Variants in CSMD1 observed in about 807,000 individuals in gnomAD.
CSMD1 encodes CUB and Sushi multiple domains 1.
Under a neutral mutation model 417.5 loss-of-function variants are expected in CSMD1, and 213 were observed. The observed-to-expected ratio is 0.51, with a 90% CI of 0.46 to 0.57. The LOEUF is 0.57. Ranked by LOEUF, CSMD1 falls within the 20% of genes least tolerant of loss-of-function variation. The pLI, the probability that CSMD1 is intolerant of heterozygous loss-of-function variation, is 0.00. For missense variants in CSMD1, 6,923 were observed against 4,529.7 expected, an observed-to-expected ratio of 1.53 and a Z score of -15.17; for synonymous variants, 2,862 against 1,736.8, an observed-to-expected ratio of 1.65 and a Z score of -16.11.
intron 48 of CSMD1, among the ~76,000 whole-genome samples, chr8:3,089,467 A>T (rs1814778962): frequency 6.6e-6 from 1 of 152,198 alleles, no homozygotes; most frequent in African/African-American, 2.4e-5. Context: ...TCCAATTATG[A>T]TGATTCATTA....
intron 7 of CSMD1, among the ~76,000 whole-genome samples, chr8:3,634,073 G>A (rs1265528848): frequency 1.3e-5 from 2 of 152,078 alleles, no homozygotes; most frequent in Non-Finnish European, 2.9e-5. Context: ...GGTAGGGGGT[G>A]GTGGGGGGAG....
chr8:4,759,850 G>A (rs139675983), intron 1 of CSMD1, among the ~76,000 whole-genome samples: 1 of 152,118 alleles, frequency 6.6e-6, no homozygotes, highest in African/African-American at 2.4e-5. Flanking sequence ...GTTTGCTATT[G>A]TGAATAGTAC....
intron 41 of CSMD1, among the ~76,000 whole-genome samples, chr8:3,136,583 G>A (rs749980379): frequency 2.0e-5 from 3 of 151,968 alleles, no homozygotes; most frequent in Non-Finnish European, 4.4e-5. Context: ...TCGGATTTCT[G>A]GTAGCGACGG....
chr8:4,562,297 T>A (rs1490995463), intron 2 of CSMD1, among the ~76,000 whole-genome samples: 1 of 151,818 alleles, frequency 6.6e-6, no homozygotes, highest in African/African-American at 2.4e-5. Flanking sequence ...CCTGCTGGAG[T>A]GGAGGACTCA....
At chr8:4,640,900 C>T (rs1207221178) in intron 1 of CSMD1, among the ~76,000 whole-genome samples, 1 of 150,214 alleles carries the variant, frequency 6.7e-6, no homozygotes, top group Non-Finnish European at 1.5e-5. Context: ...TCTTCTTCCT[C>T]CATAAACTGA....
chr8:3,874,428 A>T (rs1400726185), intron 5 of CSMD1, among the ~76,000 whole-genome samples: 2 of 152,166 alleles, frequency 1.3e-5, no homozygotes, highest in African/African-American at 4.8e-5. Context: ...CCCTGGATCA[A>T]ACTAAGTAAT....
chr8:4,054,783 G>T (rs2554531), intron 3 of CSMD1, among the ~76,000 whole-genome samples: 4 of 152,182 alleles, frequency 2.6e-5, no homozygotes, highest in African/African-American at 9.6e-5. Flanking sequence ...CTACCTTCAA[G>T]TGGACGAACA....
intron 7 of CSMD1, among the ~76,000 whole-genome samples, chr8:3,702,594 G>A (rs1277348185): frequency 6.6e-6 from 1 of 152,194 alleles, no homozygotes; most frequent in Non-Finnish European, 1.5e-5. Context: ...ACTTTGGGAG[G>A]CCGAGGCAGG....
chr8:3,513,332 C>T (rs1585283650), intron 10 of CSMD1, among the ~76,000 whole-genome samples: 1 of 150,974 alleles, frequency 6.6e-6, no homozygotes, highest in East Asian at 2.0e-4. Flanking sequence ...TGTCACTTGC[C>T]CACAGATTTT....
intron 2 of CSMD1, among the ~76,000 whole-genome samples, chr8:4,453,340 C>A (rs1293410892): frequency 1.3e-5 from 2 of 152,158 alleles, no homozygotes; most frequent in African/African-American, 4.8e-5. Context: ...CACTGGGAAC[C>A]AACTGCCCCA....
intron 49 of CSMD1, among the ~76,000 whole-genome samples, chr8:3,065,690 G>C (rs1812895810): frequency 6.6e-6 from 1 of 152,126 alleles, no homozygotes; most frequent in African/African-American, 2.4e-5. Flanking sequence ...TTGGCAGGAA[G>C]ACAGAGAAAG....
At chr8:3,969,484 T>C (rs1327117828) in intron 5 of CSMD1, among the ~76,000 whole-genome samples, 1 of 151,916 alleles carries the variant, frequency 6.6e-6, no homozygotes. Flanking sequence ...TAAGTTTGTG[T>C]TTTTTTTCCC....
At chr8:4,819,154 T>C (rs1332234820) in intron 1 of CSMD1, among the ~76,000 whole-genome samples, 1 of 152,232 alleles carries the variant, frequency 6.6e-6, no homozygotes, top group African/African-American at 2.4e-5. Flanking sequence ...TCTGCTCTAC[T>C]GGTGTCCTTC....
chr8:4,876,007 T>G (rs1269102814), intron 1 of CSMD1, among the ~76,000 whole-genome samples: 1 of 152,030 alleles, frequency 6.6e-6, no homozygotes, highest in Non-Finnish European at 1.5e-5. Flanking sequence ...TAGTAAAGAG[T>G]AAAAAGTTAG....
intron 23 of CSMD1, among the ~76,000 whole-genome samples, chr8:3,341,723 C>G (rs1027941846): frequency 6.6e-6 from 1 of 152,152 alleles, no homozygotes; most frequent in African/African-American, 2.4e-5. Context: ...GGCAAGAGAA[C>G]TGGAAGAACG....
chr8:4,204,335 T>C (rs1273668878), intron 3 of CSMD1, among the ~76,000 whole-genome samples: 1 of 152,104 alleles, frequency 6.6e-6, no homozygotes, highest in South Asian at 2.1e-4. Context: ...TTTAAAAATG[T>C]CCTATTTCCA....
At chr8:3,992,929 T>C (rs1319836888) in intron 5 of CSMD1, among the ~76,000 whole-genome samples, 1 of 152,244 alleles carries the variant, frequency 6.6e-6, no homozygotes, top group African/African-American at 2.4e-5. Flanking sequence ...ATTGAATTGT[T>C]AACATGGGAT....
intron 25 of CSMD1, among the ~76,000 whole-genome samples, chr8:3,291,985 C>T (rs1231601117): frequency 6.6e-6 from 1 of 151,890 alleles, no homozygotes; most frequent in Non-Finnish European, 1.5e-5. Flanking sequence ...TTTTCCTCTA[C>T]ACACTGCTTT....
At chr8:4,865,890 G>C (rs369911476) in intron 1 of CSMD1, among the ~76,000 whole-genome samples, 6 of 151,662 alleles carry the variant, frequency 4.0e-5, no homozygotes, top group African/African-American at 1.2e-4. Flanking sequence ...TTTAATCATA[G>C]GTTTGAAAGA....
Sources: gnomAD v4.1 joint callset for allele counts (sites outside exome capture counted in the v4.1 genomes callset) on GRCh38, gnomAD v4.1.1 for gene constraint, MANE v1.5 for transcripts, NCBI Gene and HGNC (gene_info 2026-07-23, HGNC 2026-07-21) for gene names.